GPHN: variants seen among roughly 807,000 people sequenced by gnomAD.
GPHN encodes gephyrin.
In GPHN, 17 loss-of-function variants were observed where a neutral mutation model predicts 95.5. The ratio of observed to expected loss-of-function variants is 0.18; its 90% confidence interval spans 0.12 to 0.27. The LOEUF is 0.27. Ranked by LOEUF, GPHN falls within the 10% of genes least tolerant of loss-of-function variation. The pLI is 1.00. For missense variants in GPHN, 660 were observed against 978.1 expected (o/e 0.67, Z 4.34); for synonymous variants, 320 against 322.5 (o/e 0.99, Z 0.08).
At chr14:66,874,955 A>G (rs926527205) in intron 4 of GPHN, among the ~76,000 whole-genome samples, 33 of 152,108 alleles carry the variant, frequency 2.2e-4, no homozygotes, top group Admixed American at 2.0e-3. Flanking sequence ...ACACATAATC[A>G]TCAGATTCAC....
chr14:66,661,288 C>T (rs1397175532), intron 1 of GPHN, among the ~76,000 whole-genome samples: 1 of 152,184 alleles, frequency 6.6e-6, no homozygotes, highest in African/African-American at 2.4e-5. Flanking sequence ...GAGGGGCAGA[C>T]TACCATCTTT....
At chr14:67,151,628 C>A (rs918540162) in intron 18 of GPHN, among the ~76,000 whole-genome samples, 3 of 151,990 alleles carry the variant, frequency 2.0e-5, no homozygotes, top group Admixed American at 2.0e-4. Flanking sequence ...GAAAGATGTA[C>A]CCTTTGTTTG....
the GPHN span, among the ~76,000 whole-genome samples, chr14:67,374,959 C>A: frequency 4.1e-3 from 618 of 152,252 alleles, 3 homozygotes; most frequent in African/African-American, 0.014. Flanking sequence ...CGGAGACAAC[C>A]AGCTGTTATA....
At chr14:66,597,640 G>C (rs1359289779) in intron 1 of GPHN, among the ~76,000 whole-genome samples, 1 of 152,168 alleles carries the variant, frequency 6.6e-6, no homozygotes, top group African/African-American at 2.4e-5. Context: ...GTCTGCAGCT[G>C]TGGCTGGGTG....
chr14:67,188,837 C>CTTTTCTTTCT, the GPHN span, among the ~76,000 whole-genome samples: 1 of 145,938 alleles, frequency 6.9e-6, no homozygotes, highest in Middle Eastern at 3.4e-3. Context: ...TTCTTTCTTT[C>CTTTTCTTTCT]TTTTCTTTCT....
At chr14:67,692,351 A>G in the GPHN span, 1 of 1,437,854 alleles carries the variant, frequency 7.0e-7, no homozygotes, top group Non-Finnish European at 9.6e-7. Flanking sequence ...CACCACTTCT[A>G]TGAGGAAGAG....
the GPHN span, chr14:67,364,929 G>A: frequency 3.7e-6 from 6 of 1,613,876 alleles, no homozygotes; most frequent in South Asian, 4.4e-5. Flanking sequence ...TATCCAGAAG[G>A]CGTATCCGTT....
intron 11 of GPHN, among the ~76,000 whole-genome samples, chr14:67,081,597 G>T (rs2076699198): frequency 1.3e-5 from 2 of 152,150 alleles, no homozygotes. Flanking sequence ...AAACTTTTTA[G>T]ATTAATTAAG....
At chr14:66,629,635 A>G (rs1283434758) in intron 1 of GPHN, among the ~76,000 whole-genome samples, 1 of 152,098 alleles carries the variant, frequency 6.6e-6, no homozygotes, top group African/African-American at 2.4e-5. Context: ...TAATTGTGCT[A>G]TAGTTTTTTT....
chr14:67,674,323 T>G, the GPHN span: 1 of 1,468,368 alleles, frequency 6.8e-7, no homozygotes, highest in Admixed American at 2.5e-5. Flanking sequence ...GAATCTTCCT[T>G]CCAAAGCGCG....
intron 1 of GPHN, among the ~76,000 whole-genome samples, chr14:66,665,474 A>C (rs1428437454): frequency 6.6e-6 from 1 of 152,230 alleles, no homozygotes; most frequent in African/African-American, 2.4e-5. Flanking sequence ...GAAGACATTT[A>C]TGCAGCCAAC....
At chr14:66,785,751 A>C (rs1375515445) in intron 3 of GPHN, among the ~76,000 whole-genome samples, 1 of 151,916 alleles carries the variant, frequency 6.6e-6, no homozygotes, top group Non-Finnish European at 1.5e-5. Flanking sequence ...AAAAACAGAA[A>C]AATATCAGGA....
intron 1 of GPHN, among the ~76,000 whole-genome samples, chr14:66,672,054 T>G (rs1344442100): frequency 1.3e-5 from 2 of 152,138 alleles, no homozygotes; most frequent in African/African-American, 4.8e-5. Context: ...TTTTAAATCT[T>G]TCTTCTTTTC....
At chr14:67,307,274 G>A in the GPHN span, among the ~76,000 whole-genome samples, 1 of 151,568 alleles carries the variant, frequency 6.6e-6, no homozygotes, top group Non-Finnish European at 1.5e-5. Flanking sequence ...GGATTTCCCA[G>A]ACTAGTTTGT....
chr14:66,827,054 C>T (rs949926142), intron 4 of GPHN, among the ~76,000 whole-genome samples: 2 of 152,116 alleles, frequency 1.3e-5, no homozygotes, highest in Admixed American at 6.5e-5. Flanking sequence ...GAGGCCCAGG[C>T]GGGTGGATCA....
At chr14:66,842,760 A>G in intron 4 of GPHN, 1 of 1,385,608 alleles carries the variant, frequency 7.2e-7, no homozygotes, top group Non-Finnish European at 9.8e-7. Flanking sequence ...TCAGATTAAT[A>G]ATTTTTAGTG....
intron 1 of GPHN, among the ~76,000 whole-genome samples, chr14:66,601,112 C>G (rs554639233): frequency 6.6e-6 from 1 of 152,104 alleles, no homozygotes; most frequent in Admixed American, 6.5e-5. Context: ...GTTGAACAAT[C>G]AATGAGTGTT....
chr14:67,542,018 G>T, the GPHN span: 10 of 1,575,646 alleles, frequency 6.3e-6, no homozygotes, highest in Non-Finnish European at 7.8e-6. Context: ...GCAGGGAGCT[G>T]CCTCTCCACA....
the GPHN span, among the ~76,000 whole-genome samples, chr14:67,417,581 A>G: frequency 6.6e-6 from 1 of 151,534 alleles, no homozygotes; most frequent in South Asian, 2.1e-4. Context: ...ATATGCATGC[A>G]CCAACACACT....
Sources: gnomAD v4.1 joint callset for allele counts (sites outside exome capture counted in the v4.1 genomes callset) on GRCh38, gnomAD v4.1.1 for gene constraint, MANE v1.5 for transcripts, NCBI Gene and HGNC (gene_info 2026-07-23, HGNC 2026-07-21) for gene names.